The following TNFRSF11B variants were observed in gnomAD, a reference collection of about 807,000 sequenced individuals.
TNFRSF11B encodes the protein TNF receptor superfamily member 11b.
Under a neutral mutation model 43.4 loss-of-function variants are expected in TNFRSF11B, and 16 were observed. The ratio of observed to expected loss-of-function variants is 0.37; its 90% CI spans 0.25 to 0.56. The LOEUF (loss-of-function observed/expected upper bound fraction) is 0.56, where lower values mean the gene tolerates loss of function less well. Ranked by LOEUF, TNFRSF11B falls within the 20% of genes least tolerant of loss-of-function variation. TNFRSF11B has a pLI of 0.80. For synonymous variants in TNFRSF11B, 185 were observed against 181.8 expected, an observed-to-expected ratio of 1.02 and a Z score of -0.14; for missense variants, 444 against 490.1, an observed-to-expected ratio of 0.91 and a Z score of 0.89.
In TNFRSF11B at chr8:118,924,704, G is replaced by C. The variant is rs752933989; in HGVS notation, c.876C>G (p.Phe292Leu). The change falls in exon 5 of 5, where the codon TTC becomes TTG. Residue 292 changes from phenylalanine to leucine, a missense_variant. Physicochemically the swap from Phe to Leu is conservative, Grantham distance 22. Coordinates refer to ENST00000297350, the MANE Select transcript of TNFRSF11B (RefSeq NM_002546.4). Reference protein sequence around the residue: ...QRHIGHANLTFEQLRSLMESL... With the variant: ...QRHIGHANLTLEQLRSLMESL... Reference sequence around the variant, plus strand: ...TTTCCATCAAGCTACGAAGCTGCTCGAAGGTGAGGTTAGCATGTCCAATGT... The same window carrying C: ...TTTCCATCAAGCTACGAAGCTGCTCCAAGGTGAGGTTAGCATGTCCAATGT... The C allele has an allele frequency of 6.2e-7, 1 of 1,614,160 alleles. No homozygotes were observed. The highest frequency in any genetic ancestry group is 8.5e-7 in the Non-Finnish European group (1 of 1,180,028).
chr8:118,932,650 G>A (rs1346220936), intron 2 of TNFRSF11B, among the ~76,000 whole-genome samples: 1 of 124,684 alleles, frequency 8.0e-6, no homozygotes, highest in African/African-American at 3.7e-5. Flanking sequence ...TGCAACTTGA[G>A]TTTGTTTCTT....
At chr8:118,933,386 T>C in intron 1 of TNFRSF11B, 86 bp from the exon 2 acceptor site, 1 of 1,580,158 alleles carries the variant, frequency 6.3e-7, no homozygotes, top group Non-Finnish European at 8.6e-7. Flanking sequence ...TGACTCAAAG[T>C]CCTGTATTAC....
At position 118,934,867 on chromosome 8, in the gene TNFRSF11B, G is replaced by C. The variant is rs556971896; in HGVS notation, c.31-1567C>G. ...AAACAGCACACCCTTTTGAATTAGG[G>C]GTGGCAAAGATAAAGAATGGCCTTT... is the stretch of plus-strand genomic sequence containing the variant. On this transcript the variant is annotated intron_variant, in intron 1 of 4. Transcript: ENST00000297350. 2.0e-5 allele frequency among the ~76,000 whole-genome samples: 3 copies of C among 152,260 alleles called. No individual in the cohort carries two copies. The South Asian group carries it at 6.2e-4, about 32-fold the overall frequency.
At chr8:118,939,159 G>A (rs1276040268) in intron 1 of TNFRSF11B, among the ~76,000 whole-genome samples, 3 of 152,102 alleles carry the variant, frequency 2.0e-5, no homozygotes, top group Non-Finnish European at 4.4e-5. Context: ...AGATCTCTCG[G>A]TACTATGAGT....
At chr8:118,935,604 G>A (rs1428864718) in intron 1 of TNFRSF11B, among the ~76,000 whole-genome samples, 2 of 151,906 alleles carry the variant, frequency 1.3e-5, no homozygotes, top group African/African-American at 4.8e-5. Context: ...ATATATATAG[G>A]AGAATTATAT....
intron 1 of TNFRSF11B, among the ~76,000 whole-genome samples, chr8:118,942,413 A>G (rs1160008699): frequency 6.6e-6 from 1 of 152,088 alleles, no homozygotes; most frequent in Non-Finnish European, 1.5e-5. Flanking sequence ...ATGACAATGG[A>G]CAGCTAGTGC....
At chr8:118,951,420 A>C (rs1057157535) in intron 1 of TNFRSF11B, among the ~76,000 whole-genome samples, 4 of 152,216 alleles carry the variant, frequency 2.6e-5, no homozygotes, top group Non-Finnish European at 4.4e-5. Flanking sequence ...ACTAATAATA[A>C]AAGTTCAAGT....
intron 1 of TNFRSF11B, among the ~76,000 whole-genome samples, chr8:118,949,160 T>G (rs1812606405): frequency 6.6e-6 from 1 of 151,978 alleles, no homozygotes; most frequent in Non-Finnish European, 1.5e-5. Flanking sequence ...CATCCCTACC[T>G]CCTTCCCTGC....
At chr8:118,937,616 A>G (rs1377803508) in intron 1 of TNFRSF11B, among the ~76,000 whole-genome samples, 3 of 152,254 alleles carry the variant, frequency 2.0e-5, no homozygotes, top group Non-Finnish European at 4.4e-5. Context: ...TTATTTTTCT[A>G]TGAAAAGTAA....
intron 2 of TNFRSF11B, among the ~76,000 whole-genome samples, chr8:118,932,128 C>G (rs1385853835): frequency 6.6e-6 from 1 of 152,172 alleles, no homozygotes; most frequent in African/African-American, 2.4e-5. Flanking sequence ...CTTCTTCCAT[C>G]TAAGTAAGTG....
At chr8:118,925,648 A>G (rs904148571) in intron 4 of TNFRSF11B, among the ~76,000 whole-genome samples, 2 of 152,218 alleles carry the variant, frequency 1.3e-5, no homozygotes, top group African/African-American at 4.8e-5. Context: ...GTGCAAGACT[A>G]TACAGTCATT....
intron 1 of TNFRSF11B, among the ~76,000 whole-genome samples, chr8:118,936,388 C>G (rs1333935395): frequency 1.3e-5 from 2 of 152,174 alleles, no homozygotes; most frequent in Non-Finnish European, 1.5e-5. Context: ...AAGACAGGCT[C>G]TGTGTGGCCA....
intron 2 of TNFRSF11B, among the ~76,000 whole-genome samples, chr8:118,931,782 C>T (rs1464306854): frequency 2.0e-5 from 3 of 152,138 alleles, no homozygotes; most frequent in South Asian, 2.1e-4. Flanking sequence ...AAGTATTGGT[C>T]GTCTAATAAT....
chr8:118,931,666 T>C (rs1484432465), intron 2 of TNFRSF11B, among the ~76,000 whole-genome samples: 1 of 152,252 alleles, frequency 6.6e-6, no homozygotes, highest in East Asian at 1.9e-4. Flanking sequence ...TTTAAGGGAC[T>C]CTGATGCAAT....
intron 4 of TNFRSF11B, 21 bp from the exon 5 acceptor site, chr8:118,924,783 G>A (rs1812226595): frequency 1.2e-6 from 2 of 1,613,798 alleles, no homozygotes; most frequent in Non-Finnish European, 1.7e-6. Context: ...CAAAAGCCCA[G>A]ATAAGTGTTC....
intron 1 of TNFRSF11B, among the ~76,000 whole-genome samples, chr8:118,945,276 T>TTGTGTGTGTG (rs11573841): frequency 6.7e-6 from 1 of 149,534 alleles, no homozygotes; most frequent in Non-Finnish European, 1.5e-5. Context: ...TAATGCACAA[T>TTGTGTGTGTG]TGTGTGTGTG....
chr8:118,951,844 G>A lies in TNFRSF11B; in HGVS notation c.-23C>T, dbSNP rs777461030. ...CATTGTGGTCCCCGGAAACCTCAGG[G>A]GCTTGGAGGCGGCGGCTGGGCGAGC... On this transcript the variant is annotated 5_prime_UTR_variant, in exon 1 of 5. Transcript: ENST00000297350. 2.5e-6 allele frequency: 4 copies of A among 1,580,118 alleles called. No homozygotes were observed. The highest frequency in any genetic ancestry group is 1.8e-5 in the Admixed American group (1 of 55,994).
intron 1 of TNFRSF11B, among the ~76,000 whole-genome samples, chr8:118,949,521 G>T (rs1812610457): frequency 6.6e-6 from 1 of 152,148 alleles, no homozygotes; most frequent in Non-Finnish European, 1.5e-5. Flanking sequence ...TAAAACTCAA[G>T]AAGTAACTTG....
rs746791412 is a variant in TNFRSF11B at position 118,933,015 on chromosome 8, C to T, written c.316G>A (p.Glu106Lys). Reference protein sequence around the residue: ...ECNRTHNRVCECKEGRYLEIE... With the variant: ...ECNRTHNRVCKCKEGRYLEIE... ...TCAAGGTAGCGCCCTTCCTTGCATT[C>T]GCACACGCGGTTGTGGGTGCGATTG... is the stretch of plus-strand genomic sequence containing the variant. Residue 106 changes from glutamate to lysine, a missense_variant, in exon 2 of 5, where the codon GAA (glutamate) becomes AAA (lysine). Glu to Lys is a moderately conservative substitution (Grantham distance 56). Transcript: ENST00000297350. The T allele has an allele frequency of 2.7e-5, 43 of 1,614,152 alleles. No individual in the cohort carries two copies. The East Asian group carries it at 5.4e-4, about 20-fold the overall frequency.
Sources: allele counts gnomAD v4.1 joint callset (sites outside exome capture counted in the v4.1 genomes callset), GRCh38; gene constraint gnomAD v4.1.1; transcripts MANE v1.5; gene names NCBI Gene and HGNC (gene_info 2026-07-23, HGNC 2026-07-21).